The following LYRM4 variants were observed in gnomAD, a reference collection of about 807,000 sequenced individuals.
LYRM4 encodes LYR motif-containing protein 4.
LYRM4 carries 9 observed loss-of-function variants against 11.7 expected under a neutral mutation model. The ratio of observed to expected loss-of-function variants is 0.77; its 90% confidence interval spans 0.46 to 1.34. The LOEUF is 1.34. Among genes scored for constraint, LYRM4 ranks in the 40% most tolerant of loss-of-function variants. The pLI, the probability that LYRM4 is intolerant of heterozygous loss-of-function variation, is 0.00. For missense variants in LYRM4, 133 were observed against 112.5 expected (o/e 1.18, Z -0.82); for synonymous variants, 42 against 40.4 (o/e 1.04, Z -0.15).
the LYRM4 span, among the ~76,000 whole-genome samples, chr6:5,084,377 G>A: frequency 1.3e-5 from 2 of 152,136 alleles, no homozygotes; most frequent in East Asian, 3.9e-4. Context: ...GTCCGGCGCG[G>A]GCCACGCCCC....
At chr6:5,039,658 G>A in the LYRM4 span, among the ~76,000 whole-genome samples, 6 of 152,088 alleles carry the variant, frequency 3.9e-5, no homozygotes, top group African/African-American at 7.2e-5. Flanking sequence ...AATAAAAATC[G>A]GAAACAGAGA....
Position 5,174,874 on chromosome 6 carries a change from G to T in LYRM4, c.207+41744C>A, listed in dbSNP as rs141544775. Among the ~76,000 whole-genome samples, 233 of 152,302 alleles carry T rather than the reference G, an allele frequency of 1.5e-3. 1 individual carries two copies. Among genetic ancestry groups the T allele is most frequent in the Middle Eastern group, 6.8e-3 (2 of 294 alleles). On this transcript the variant is annotated intron_variant, in intron 2 of 2. Transcript: ENST00000330636. ...ATAAGCAAGGCTTAACGTCAAAATT[G>T]AAGCTCTCTTTCAGTTTTATACAGC... is the stretch of plus-strand genomic sequence containing the variant.
chr6:5,128,466 C>T (rs1763795909), intron 2 of LYRM4, among the ~76,000 whole-genome samples: 2 of 152,148 alleles, frequency 1.3e-5, no homozygotes, highest in Admixed American at 6.5e-5. Context: ...GAGTACATCT[C>T]TTTGAAGAAA....
intron 1 of LYRM4, among the ~76,000 whole-genome samples, chr6:5,232,820 T>C (rs1763319055): frequency 6.6e-6 from 1 of 152,232 alleles, no homozygotes; most frequent in Non-Finnish European, 1.5e-5. Flanking sequence ...CAAGAAGGTA[T>C]TTGGCCTCAG....
chr6:5,061,500 T>C, the LYRM4 span, among the ~76,000 whole-genome samples: 423 of 152,318 alleles, frequency 2.8e-3, 2 homozygotes, highest in African/African-American at 9.8e-3. Context: ...ATGAGAGAAA[T>C]GCAGAAATAT....
chr6:5,233,292 C>A (rs569441352), intron 1 of LYRM4, among the ~76,000 whole-genome samples: 1 of 152,200 alleles, frequency 6.6e-6, no homozygotes, highest in Admixed American at 6.5e-5. Context: ...ATTTGACATG[C>A]GAACCAGCAT....
the LYRM4 span, among the ~76,000 whole-genome samples, chr6:5,043,667 C>T: frequency 8.5e-5 from 13 of 152,140 alleles, no homozygotes; most frequent in African/African-American, 2.9e-4. Context: ...CCTCCCTTGT[C>T]GCCTCCTCTG....
At chr6:5,111,948 A>C (rs1231530034) in intron 2 of LYRM4, among the ~76,000 whole-genome samples, 23 of 152,194 alleles carry the variant, frequency 1.5e-4, no homozygotes, top group Non-Finnish European at 1.5e-5. Context: ...GTCAAGAGAA[A>C]GATGTGTGAG....
chr6:5,180,017 T>C (rs1205656520), intron 2 of LYRM4, among the ~76,000 whole-genome samples: 1 of 152,226 alleles, frequency 6.6e-6, no homozygotes, highest in Non-Finnish European at 1.5e-5. Flanking sequence ...TCTGGTCACA[T>C]ACCAGTTTCT....
the LYRM4 span, among the ~76,000 whole-genome samples, chr6:5,044,317 G>T: frequency 2.0e-5 from 3 of 152,018 alleles, no homozygotes; most frequent in Non-Finnish European, 4.4e-5. Context: ...TTTTAGTAGA[G>T]ATGGGGTTTC....
intron 2 of LYRM4, among the ~76,000 whole-genome samples, chr6:5,139,837 T>C (rs1041505927): frequency 4.5e-5 from 5 of 110,796 alleles, no homozygotes; most frequent in Middle Eastern, 4.5e-3. Flanking sequence ...ACCCCAGCAC[T>C]TTTTTCTTTT....
the LYRM4 span, among the ~76,000 whole-genome samples, chr6:5,050,969 A>G: frequency 0.012 from 1,756 of 152,360 alleles, 34 homozygotes; most frequent in African/African-American, 0.038. Context: ...AAATGGAAAT[A>G]TCAATAAAGA....
intron 2 of LYRM4, among the ~76,000 whole-genome samples, chr6:5,156,636 T>C (rs1758428261): frequency 6.6e-6 from 1 of 152,234 alleles, no homozygotes; most frequent in African/African-American, 2.4e-5. Flanking sequence ...AGCTGCCTCA[T>C]GCTCTAGATG....
intron 2 of LYRM4, among the ~76,000 whole-genome samples, chr6:5,131,570 G>C (rs1763954517): frequency 6.6e-6 from 1 of 152,064 alleles, no homozygotes; most frequent in Non-Finnish European, 1.5e-5. Context: ...CTGCAAAAAA[G>C]CTCCCTCCAA....
chr6:5,036,685 C>T, the LYRM4 span, among the ~76,000 whole-genome samples: 3 of 152,254 alleles, frequency 2.0e-5, no homozygotes, highest in Non-Finnish European at 4.4e-5. Flanking sequence ...TAGTCACTCT[C>T]CTTCCTGCTG....
At chr6:5,058,405 G>A in the LYRM4 span, among the ~76,000 whole-genome samples, 1 of 152,242 alleles carries the variant, frequency 6.6e-6, no homozygotes, top group South Asian at 2.1e-4. Flanking sequence ...CTAAGGTCCG[G>A]GGCTTAACAT....
chr6:5,188,688 TTAA>T, intron 2 of LYRM4, among the ~76,000 whole-genome samples: 1 of 152,176 alleles, frequency 6.6e-6, no homozygotes, highest in African/African-American at 2.4e-5. Context: ...TATTGGAGGA[TTAA>T]ATGAGACAGT....
intron 2 of LYRM4, among the ~76,000 whole-genome samples, chr6:5,120,443 C>T (rs1228993181): frequency 1.3e-5 from 2 of 152,154 alleles, no homozygotes; most frequent in South Asian, 2.1e-4. Context: ...AAGCCACAGA[C>T]CTTTACCGTG....
At chr6:5,092,634 C>A in the LYRM4 span, among the ~76,000 whole-genome samples, 1 of 152,142 alleles carries the variant, frequency 6.6e-6, no homozygotes, top group Non-Finnish European at 1.5e-5. Context: ...AGAACAATCC[C>A]TTGAACCCGG....
Sources: gnomAD v4.1 joint callset for allele counts (sites outside exome capture counted in the v4.1 genomes callset) on GRCh38, gnomAD v4.1.1 for gene constraint, MANE v1.5 for transcripts, NCBI Gene and HGNC (gene_info 2026-07-23, HGNC 2026-07-21) for gene names.